SHQ1: variants seen among roughly 807,000 people sequenced by gnomAD.
SHQ1 encodes SHQ1, H/ACA ribonucleoprotein assembly factor, also known as protein SHQ1 homolog.
In SHQ1, 49 loss-of-function variants were observed where a neutral mutation model predicts 53.8. The ratio of observed to expected loss-of-function variants is 0.91; its 90% CI spans 0.72 to 1.16. The LOEUF is 1.16. SHQ1 is among the 50% of genes most tolerant of loss of function. The probability of loss-of-function intolerance (pLI) is 0.00; values close to 1 mark genes in which losing one functional copy is unlikely to be tolerated. For synonymous variants in SHQ1, 243 were observed against 251.0 expected, an observed-to-expected ratio of 0.97 and a Z score of 0.30; for missense variants, 738 against 683.1, an observed-to-expected ratio of 1.08 and a Z score of -0.90.
At chr3:72,789,424 T>C (rs1409545765) in intron 10 of SHQ1, among the ~76,000 whole-genome samples, 3 of 152,104 alleles carry the variant, frequency 2.0e-5, no homozygotes, top group South Asian at 2.1e-4. Context: ...ATTCTTCCAG[T>C]ATGGCCCATG....
At chr3:72,757,300 C>A (rs753084650) in intron 10 of SHQ1, among the ~76,000 whole-genome samples, 15 of 152,214 alleles carry the variant, frequency 9.9e-5, no homozygotes, top group Non-Finnish European at 2.1e-4. Context: ...GCTAACTCGG[C>A]CTTTTAATTT....
chr3:72,725,362 T>C, the SHQ1 span, among the ~76,000 whole-genome samples: 3 of 152,174 alleles, frequency 2.0e-5, no homozygotes, highest in African/African-American at 7.2e-5. Flanking sequence ...CTCCTTGCTA[T>C]CCTCCTGATT....
chr3:72,841,217 T>A lies in SHQ1; in HGVS notation c.332-18A>T. The A allele has an allele frequency of 6.3e-7, 1 of 1,589,142 alleles. No individual in the cohort carries two copies. Reference sequence around the variant, plus strand: ...AGAAGCACCTGAATGTGTTAAATTTTAATTTTTTTTAAGTATTGGATTTAA... The same window carrying A: ...AGAAGCACCTGAATGTGTTAAATTTAAATTTTTTTTAAGTATTGGATTTAA... On this transcript the variant is annotated intron_variant, in intron 3 of 10. Coordinates refer to ENST00000325599, the MANE Select transcript of SHQ1 (RefSeq NM_018130.3).
intron 10 of SHQ1, among the ~76,000 whole-genome samples, chr3:72,755,392 C>A (rs1705479392): frequency 6.6e-6 from 1 of 152,098 alleles, no homozygotes; most frequent in South Asian, 2.1e-4. Context: ...ACCTTTAATA[C>A]CTCAAGCTGG....
At chr3:72,833,095 T>C (rs571456688) in intron 4 of SHQ1, among the ~76,000 whole-genome samples, 1 of 152,298 alleles carries the variant, frequency 6.6e-6, no homozygotes, top group East Asian at 1.9e-4. Flanking sequence ...GTGCCATGTT[T>C]GTGCTCAAAA....
chr3:72,830,050 AC>A (rs1707777903), intron 5 of SHQ1, among the ~76,000 whole-genome samples: 1 of 151,998 alleles, frequency 6.6e-6, no homozygotes, highest in Non-Finnish European at 1.5e-5. Flanking sequence ...ATAATAAAAA[AC>A]AATCAACATT....
Position 72,824,566 on chromosome 3 carries a change from TGA to T in SHQ1, c.600-17_600-16del. On this transcript the variant is annotated splice_polypyrimidine_tract_variant and intron_variant, in intron 5 of 10. Transcript: ENST00000325599. ...AAAAGTCAGCTCTAGGAAAAAACAT[TGA>T]AAGAACTTACTATACAGGATTTCAC... 1 of 1,604,508 alleles carries T rather than the reference TGA, an allele frequency of 6.2e-7. No homozygotes were observed. The highest frequency in any genetic ancestry group is 1.7e-4 in the Middle Eastern group (1 of 6,036).
At chr3:72,765,548 TATA>T (rs1436050878) in intron 10 of SHQ1, among the ~76,000 whole-genome samples, 5 of 99,520 alleles carry the variant, frequency 5.0e-5, no homozygotes, top group African/African-American at 3.1e-4. Context: ...TATATATATA[TATA>T]TATATATTTT....
chr3:72,779,500 A>T (rs984336821), intron 10 of SHQ1, among the ~76,000 whole-genome samples: 2 of 152,174 alleles, frequency 1.3e-5, no homozygotes, highest in African/African-American at 4.8e-5. Flanking sequence ...TTGTGTATGC[A>T]AGTATTTGAT....
chr3:72,842,440 T>C (rs752913908), intron 2 of SHQ1, 38 bp from the exon 3 acceptor site: 7 of 1,591,176 alleles, frequency 4.4e-6, no homozygotes, highest in Non-Finnish European at 6.0e-6. Flanking sequence ...GATTAAAATA[T>C]TTAAAAAGCT....
chr3:72,808,737 T>C (rs1707030841), intron 9 of SHQ1, among the ~76,000 whole-genome samples: 1 of 152,078 alleles, frequency 6.6e-6, no homozygotes, highest in Non-Finnish European at 1.5e-5. Context: ...ATGGCATCCC[T>C]GTGCCATCCA....
intron 7 of SHQ1, among the ~76,000 whole-genome samples, chr3:72,816,759 T>C (rs557823650): frequency 6.6e-5 from 10 of 152,306 alleles, no homozygotes; most frequent in Admixed American, 2.6e-4. Flanking sequence ...AGAGTACACA[T>C]ACTCTATGAA....
chr3:72,844,914 T>C (rs1708286126), intron 1 of SHQ1, among the ~76,000 whole-genome samples: 1 of 152,208 alleles, frequency 6.6e-6, no homozygotes. Flanking sequence ...ATAAGGTGTA[T>C]ATAAAACAAA....
At chr3:72,765,842 T>C (rs972824219) in intron 10 of SHQ1, among the ~76,000 whole-genome samples, 1 of 152,126 alleles carries the variant, frequency 6.6e-6, no homozygotes, top group African/African-American at 2.4e-5. Flanking sequence ...CATGAGCCAC[T>C]GTGCCTGGCC....
At chr3:72,805,110 C>G (rs1214186062) in intron 9 of SHQ1, among the ~76,000 whole-genome samples, 1 of 151,972 alleles carries the variant, frequency 6.6e-6, no homozygotes, top group Non-Finnish European at 1.5e-5. Flanking sequence ...CTAAACATAT[C>G]TAAGCATAGA....
intron 10 of SHQ1, among the ~76,000 whole-genome samples, chr3:72,791,486 C>T (rs972856534): frequency 6.6e-6 from 1 of 152,170 alleles, no homozygotes; most frequent in Non-Finnish European, 1.5e-5. Flanking sequence ...TTTCATATTT[C>T]ATTCTGCAAT....
chr3:72,734,080 G>C, the SHQ1 span, among the ~76,000 whole-genome samples: 1 of 150,888 alleles, frequency 6.6e-6, no homozygotes, highest in Non-Finnish European at 1.5e-5. Context: ...AGGATGATTT[G>C]AGCCCAGGAA....
intron 9 of SHQ1, among the ~76,000 whole-genome samples, chr3:72,798,141 G>T (rs1706683398): frequency 6.6e-6 from 1 of 152,126 alleles, no homozygotes. Flanking sequence ...CTGCTCAAAG[G>T]CACTGCAGGA....
At chr3:72,746,519 A>G (rs2106691037), downstream of SHQ1, among the ~76,000 whole-genome samples, 1 of 152,328 alleles carries the variant, frequency 6.6e-6, no homozygotes, top group South Asian at 2.1e-4. Flanking sequence ...ACAAAGCTTC[A>G]ACCTCCATGA....
Sources: allele counts gnomAD v4.1 joint callset (sites outside exome capture counted in the v4.1 genomes callset), GRCh38; gene constraint gnomAD v4.1.1; transcripts MANE v1.5; gene names NCBI Gene and HGNC (gene_info 2026-07-23, HGNC 2026-07-21).